BABAM2: variants seen among roughly 807,000 people sequenced by gnomAD.
BABAM2 encodes the protein BRISC and BRCA1 A complex member 2.
In BABAM2, 31 loss-of-function variants were observed where a neutral mutation model predicts 54.7. The observed-to-expected ratio is 0.57, with a 90% confidence interval of 0.43 to 0.77. BABAM2 has a LOEUF of 0.77. BABAM2 is among the 30% of genes least tolerant of loss of function. The pLI is 0.00. For synonymous variants in BABAM2, 167 were observed against 162.9 expected, an observed-to-expected ratio of 1.03 and a Z score of -0.19; for missense variants, 364 against 455.8, an observed-to-expected ratio of 0.80 and a Z score of 1.83.
rs376439951 is a variant in BABAM2 at position 28,209,400 on chromosome 2, G to A, written c.681-27802G>A. Among the ~76,000 whole-genome samples, 187 of 152,262 alleles carry A rather than the reference G, an allele frequency of 1.2e-3. 2 individuals are homozygous for A. Among genetic ancestry groups the A allele is most frequent in the South Asian group, 1.2e-3 (6 of 4,824 alleles). ...ACAAATTGGAGGTGGGAACTTTGAC[G>A]ATAATAGAGACTTTGGACTTTAGCC... On this transcript the variant is annotated intron_variant, in intron 7 of 11. Transcript: ENST00000379624.
chr2:27,958,034 T>A (rs1670213998), intron 3 of BABAM2, among the ~76,000 whole-genome samples: 1 of 152,156 alleles, frequency 6.6e-6, no homozygotes, highest in Non-Finnish European at 1.5e-5. Flanking sequence ...GCATCAGAAA[T>A]GTCAGTGAAA....
intron 2 of BABAM2, among the ~76,000 whole-genome samples, chr2:27,923,390 G>A (rs1189305243): frequency 1.3e-5 from 2 of 151,564 alleles, no homozygotes; most frequent in African/African-American, 4.9e-5. Flanking sequence ...AGGCTGAGGC[G>A]GGAAGATTGC....
At chr2:27,979,390 T>G (rs1046758443) in intron 3 of BABAM2, among the ~76,000 whole-genome samples, 1 of 151,804 alleles carries the variant, frequency 6.6e-6, no homozygotes, top group African/African-American at 2.4e-5. Context: ...TGATTCCAAG[T>G]CTTTGCTATT....
At chr2:28,173,833 A>G (rs1314262889) in intron 7 of BABAM2, among the ~76,000 whole-genome samples, 1 of 152,250 alleles carries the variant, frequency 6.6e-6, no homozygotes, top group Admixed American at 6.5e-5. Flanking sequence ...GATAGCTTAA[A>G]GCATTCAATA....
chr2:27,890,940 C>G lies in BABAM2; in HGVS notation c.-25+98C>G, dbSNP rs1328267593. 1 of 152,634 alleles carries G rather than the reference C, an allele frequency of 6.6e-6. No homozygotes were observed. Among genetic ancestry groups the G allele is most frequent in the Non-Finnish European group, 1.5e-5 (1 of 68,096 alleles). The allele number at this position is 152,634 out of a possible 1,614,324, so 9.5% of individuals were successfully genotyped here. Reference sequence around the variant, plus strand: ...AATATGGCCAGGGGACTCGCCTCCTCTTCCTATGGAGAAGGCCCCCGTTCC... The same window carrying G: ...AATATGGCCAGGGGACTCGCCTCCTGTTCCTATGGAGAAGGCCCCCGTTCC... On this transcript the variant is annotated intron_variant, in intron 1 of 11. Coordinates refer to ENST00000379624, the MANE Select transcript of BABAM2 (RefSeq NM_199191.3). The surrounding 1 kb of genome is among the most constrained non-coding windows in gnomAD (Gnocchi z 4.8).
intron 2 of BABAM2, among the ~76,000 whole-genome samples, chr2:27,900,372 T>G (rs570603773): frequency 6.6e-6 from 1 of 152,172 alleles, no homozygotes; most frequent in East Asian, 1.9e-4. Context: ...AGATTTCTTT[T>G]TTTTTTTTTT....
intron 7 of BABAM2, among the ~76,000 whole-genome samples, chr2:28,179,028 A>T (rs934691671): frequency 1.4e-4 from 21 of 152,100 alleles, no homozygotes; most frequent in Non-Finnish European, 2.4e-4. Context: ...TTTAGGACAA[A>T]ATAGCTTTAC....
At chr2:28,076,392 GTAA>G (rs1175304942) in intron 6 of BABAM2, among the ~76,000 whole-genome samples, 11 of 151,926 alleles carry the variant, frequency 7.2e-5, no homozygotes, top group Non-Finnish European at 1.3e-4. Context: ...TCCTCTTTCA[GTAA>G]TTCAACATAT....
chr2:27,920,397 T>G (rs1667266026), intron 2 of BABAM2, among the ~76,000 whole-genome samples: 2 of 152,206 alleles, frequency 1.3e-5, no homozygotes, highest in African/African-American at 4.8e-5. Context: ...GTCTTCCAGC[T>G]TCTTTACTGC....
intron 3 of BABAM2, among the ~76,000 whole-genome samples, chr2:27,981,732 A>T (rs1475882435): frequency 6.6e-6 from 1 of 152,158 alleles, no homozygotes; most frequent in Non-Finnish European, 1.5e-5. Context: ...CATTACATGT[A>T]TAATGTCACA....
chr2:28,118,453 C>T (rs1229353957), intron 6 of BABAM2, among the ~76,000 whole-genome samples: 1 of 152,162 alleles, frequency 6.6e-6, no homozygotes, highest in Non-Finnish European at 1.5e-5. Context: ...TTTTGATTTG[C>T]ATTTCTCTGA....
rs1372554236 is a variant in BABAM2, at chr2:28,210,206, C to T, written c.681-26996C>T. Among the ~76,000 whole-genome samples the T allele has an allele frequency of 2.0e-5, 3 of 152,300 alleles. No individual in the cohort carries two copies. In the East Asian group the frequency reaches 5.8e-4, roughly 29 times the overall value. On this transcript the variant is annotated intron_variant, in intron 7 of 11. Transcript: ENST00000379624. The stretch of plus-strand genomic sequence containing the variant: ...CCTCCCTGGTTCTCCTCCCTGCTTT[C>T]CTGCCTTTTATTAATTTATAAGGTA...
intron 7 of BABAM2, among the ~76,000 whole-genome samples, chr2:28,153,135 T>A (rs2147785530): frequency 6.6e-6 from 1 of 150,494 alleles, no homozygotes; most frequent in African/African-American, 2.4e-5. Context: ...TTCTCCCCCA[T>A]GACTTTAGCA....
chr2:27,929,017 A>AC (rs988942219), intron 2 of BABAM2, among the ~76,000 whole-genome samples: 13 of 145,048 alleles, frequency 9.0e-5, no homozygotes, highest in Admixed American at 1.4e-4. Context: ...GGAGTTCGAG[A>AC]CCACCCTGGG....
At chr2:27,900,470 C>T (rs1246143264) in intron 2 of BABAM2, among the ~76,000 whole-genome samples, 1 of 151,656 alleles carries the variant, frequency 6.6e-6, no homozygotes, top group Non-Finnish European at 1.5e-5. Flanking sequence ...AACTCCATTG[C>T]TAGACCCATC....
Position 28,128,952 on chromosome 2 carries a change from T to A in BABAM2, c.571-319T>A, listed in dbSNP as rs112244805. ...TAAATTATGTTTATAGTAATATGTT[T>A]ACTGCAACTTAATTATATTTTTGCT... On this transcript the variant is annotated intron_variant, in intron 6 of 11. Coordinates refer to ENST00000379624, the MANE Select transcript of BABAM2 (RefSeq NM_199191.3). 1.4e-3 allele frequency among the ~76,000 whole-genome samples: 217 copies of A among 152,334 alleles called. 1 individual carries two copies. Among genetic ancestry groups the A allele is most frequent in the African/African-American group, 5.0e-3 (207 of 41,562 alleles).
At chr2:28,213,111 C>T (rs1679620721) in intron 7 of BABAM2, among the ~76,000 whole-genome samples, 1 of 151,942 alleles carries the variant, frequency 6.6e-6, no homozygotes, top group South Asian at 2.1e-4. Context: ...CCTGTGGTCC[C>T]AGCTATTCAG....
intron 11 of BABAM2, chr2:28,309,799 G>A (rs1688909178): frequency 2.6e-6 from 1 of 382,430 alleles, no homozygotes; most frequent in Non-Finnish European, 4.8e-6. Flanking sequence ...AGAGAGATGA[G>A]GGAGTTTTCC....
chr2:28,213,287 G>T (rs1679637053), intron 7 of BABAM2, among the ~76,000 whole-genome samples: 1 of 152,028 alleles, frequency 6.6e-6, no homozygotes, highest in Non-Finnish European at 1.5e-5. Context: ...TTGGGGATCT[G>T]GTAAGAAACT....
Sources: allele counts gnomAD v4.1 joint callset (sites outside exome capture counted in the v4.1 genomes callset), GRCh38; gene constraint gnomAD v4.1.1; non-coding constraint Gnocchi (gnomAD v3.1); transcripts MANE v1.5; gene names NCBI Gene and HGNC (gene_info 2026-07-23, HGNC 2026-07-21).